The following ADCY6 variants were observed in gnomAD, a reference collection of about 807,000 sequenced individuals.
ADCY6 encodes the protein adenylate cyclase type 6.
Under a neutral mutation model 111.6 loss-of-function variants are expected in ADCY6, and 59 were observed. The ratio of observed to expected loss-of-function variants is 0.53; its 90% CI spans 0.43 to 0.66. ADCY6 has a LOEUF of 0.66. Among genes scored for constraint, ADCY6 ranks in the 30% least tolerant of loss-of-function variants. The probability of loss-of-function intolerance (pLI) is 0.00; values close to 1 mark genes in which losing one functional copy is unlikely to be tolerated. For missense variants in ADCY6, 1,242 were observed against 1,595.6 expected, an observed-to-expected ratio of 0.78 and a Z score of 3.78; for synonymous variants, 576 against 642.9, an observed-to-expected ratio of 0.90 and a Z score of 1.57.
intron 1 of ADCY6, 75 bp from the exon 2 acceptor site, chr12:48,783,513 G>A: frequency 6.3e-7 from 1 of 1,598,154 alleles, no homozygotes; most frequent in South Asian, 1.1e-5. Flanking sequence ...CACAGCCACT[G>A]CCACCACTAG....
At position 48,771,799 on chromosome 12, in the gene ADCY6, A is replaced by G; in HGVS notation, c.2962T>C (p.Phe988Leu). Residue 988 changes from phenylalanine (F) to leucine (L), a missense_variant, in exon 19 of 22, where the codon TTC becomes CTC. This residue lies in a region of ADCY6 where 245 missense variants were observed against 371.3 expected (regional missense o/e 0.66). Coordinates refer to ENST00000357869, the MANE Select transcript of ADCY6 (RefSeq NM_015270.5). The surrounding 1 kb of genome is among the most constrained non-coding windows in gnomAD (Gnocchi z 4.3). The part of the protein sequence containing the change: ...VAVMFASIAN[F>L]SEFYVELEAN... ...TCCAGCTCCACATAGAACTCAGAGA[A>G]GTTGGCAATGGAGGCAAACATAACA... is the stretch of plus-strand genomic sequence containing the variant. The G allele has an allele frequency of 6.2e-7, 1 of 1,614,216 alleles. No homozygotes were observed. The highest frequency in any genetic ancestry group is 8.5e-7 in the Non-Finnish European group (1 of 1,180,036).
At chr12:48,779,145 G>T (rs1480424895) in intron 2 of ADCY6, among the ~76,000 whole-genome samples, 1 of 152,012 alleles carries the variant, frequency 6.6e-6, no homozygotes, top group African/African-American at 2.4e-5. Context: ...GCTTCCCAAA[G>T]TGCTTACGGG....
At chr12:48,775,909 T>G in intron 9 of ADCY6, 54 bp downstream of exon 9, 1 of 1,561,364 alleles carries the variant, frequency 6.4e-7, no homozygotes, top group Non-Finnish European at 8.7e-7. Flanking sequence ...AGGGACAGGG[T>G]ATTGAGGGAG....
Position 48,781,992 on chromosome 12 carries a change from AC to A in ADCY6, c.864+578del, listed in dbSNP as rs1300095179. ...ACCACATCCAGCCCAGAGAGAACTG[AC>A]CCCAGCTCTTCACCTTCCCTGTCCT... On this transcript the variant is annotated intron_variant, in intron 2 of 21. Coordinates refer to ENST00000357869, the MANE Select transcript of ADCY6 (RefSeq NM_015270.5). 2.0e-5 allele frequency among the ~76,000 whole-genome samples: 3 copies of A among 152,102 alleles called. No individual in the cohort carries two copies. The East Asian group carries it at 5.8e-4, about 29-fold the overall frequency.
At position 48,770,900 on chromosome 12, in the gene ADCY6, G is replaced by T; in HGVS notation, c.3122C>A (p.Ser1041Ter). The T allele has an allele frequency of 3.7e-6, 6 of 1,614,250 alleles. No individual in the cohort carries two copies. The highest frequency in any genetic ancestry group is 5.1e-6 in the Non-Finnish European group (6 of 1,180,046). The part of the protein sequence containing the change: ...KTIGSTYMAA[S>*]GLNASTYDQV... ...ATCGTAGGTGCTGGCGTTCAGCCCTGAGGCAGCCATGTAGGTGCTACCAAT... is the reference window on the plus strand; with the variant it reads ...ATCGTAGGTGCTGGCGTTCAGCCCTTAGGCAGCCATGTAGGTGCTACCAAT... Residue 1041 changes from serine to a stop codon, truncating the protein, a stop_gained, in exon 20 of 22, where the codon TCA becomes TAA. Transcript: ENST00000357869. LOFTEE classifies it high-confidence loss of function.
Position 48,777,999 on chromosome 12 carries a change from G to T in ADCY6, c.1014+109C>A. 6.9e-6 allele frequency: 10 copies of T among 1,445,606 alleles called. No homozygotes were observed. Among genetic ancestry groups the T allele is most frequent in the Non-Finnish European group, 9.3e-6 (10 of 1,073,684 alleles). The allele number at this position is 1,445,606 out of a possible 1,614,324, so 89.5% of individuals were successfully genotyped here. A position where few individuals can be genotyped will look rare whatever the true frequency, so the allele number is the denominator to read the frequency against. On this transcript the variant is annotated intron_variant, in intron 3 of 21. Coordinates refer to ENST00000357869, the MANE Select transcript of ADCY6 (RefSeq NM_015270.5). The surrounding 1 kb of genome is among the most constrained non-coding windows in gnomAD (Gnocchi z 4.9). ...AGGGCCTCTGTGACGCACAACCCAG[G>T]GGAACCATCACACTGTGCTGCACGG...
Position 48,782,815 on chromosome 12 carries a change from G to C in ADCY6, c.620C>G (p.Ser207Cys). 1 of 1,614,066 alleles carries C rather than the reference G, an allele frequency of 6.2e-7. No individual in the cohort carries two copies. The highest frequency in any genetic ancestry group is 8.5e-7 in the Non-Finnish European group (1 of 1,179,954). Residue 207 changes from serine (S) to cysteine (C), a missense_variant, in exon 2 of 22, where the codon TCC becomes TGC. Around this residue, in one of 4 missense-constraint regions of ADCY6, gnomAD observed 362 missense variants for 377.2 expected, o/e 0.96. Coordinates refer to ENST00000357869, the MANE Select transcript of ADCY6 (RefSeq NM_015270.5). This position sits in a 1 kb window ranked among gnomAD's most constrained non-coding sequence, Gnocchi z 4.3. The stretch of plus-strand genomic sequence containing the variant: ...CACCACGTAGCTCACCACCCACATG[G>C]AGTCCTGGCGGAAGCTATGCCGGTT... ...VCNRHSFRQD[S>C]MWVVSYVVLG...
chr12:48,774,205 C>G, intron 14 of ADCY6, 107 bp from the exon 15 acceptor site: 1 of 1,164,878 alleles, frequency 8.6e-7, no homozygotes, highest in Non-Finnish European at 1.2e-6. Context: ...TACCTTATAC[C>G]CCATGGGCCT....
In ADCY6 at chr12:48,774,426, C is replaced by A; in HGVS notation, c.2259G>T (p.Val753=). 1 of 1,613,852 alleles carries A rather than the reference C, an allele frequency of 6.2e-7. No homozygotes were observed. The highest frequency in any genetic ancestry group is 1.1e-5 in the South Asian group (1 of 91,076). ...TAVGIFSVLL[V]FTSAIANMFT... is the part of the protein sequence containing the mutation. The stretch of plus-strand genomic sequence containing the variant: ...CCATGTTGGCAATGGCAGAAGTAAA[C>A]ACAAGCAGGACGGAAAAGATGCCAA... The change falls in exon 14 of 22, where the codon GTG becomes GTT. Residue 753 remains valine, a synonymous_variant. Transcript: ENST00000357869.
Position 48,776,612 on chromosome 12 carries a change from C to T in ADCY6, c.1377-26G>A, listed in dbSNP as rs76654575. 1.1e-3 allele frequency: 1,710 copies of T among 1,587,928 alleles called. 21 individuals are homozygous for T. In the African/African-American group the frequency reaches 0.021, roughly 20 times the overall value. The stretch of plus-strand genomic sequence containing the variant: ...CTGGGAGGATGCAGCCCCAGATCAG[C>T]TCCTGGCAGTCTTCCCCTCCCCCAG... On this transcript the variant is annotated intron_variant, in intron 6 of 21. Coordinates refer to ENST00000357869, the MANE Select transcript of ADCY6 (RefSeq NM_015270.5). This position sits in a 1 kb window ranked among gnomAD's most constrained non-coding sequence, Gnocchi z 6.1.
rs1378502176 is a variant in ADCY6 at position 48,775,044 on chromosome 12, T to C, written c.1991A>G (p.Lys664Arg). ...GTAGGCTCCGAAGCGGGGATCCACC[T>C]TCCGGGAGTACTGAGGGAGAGGAGG... is the stretch of plus-strand genomic sequence containing the variant. ...REDLEKKYSR[K>R]VDPRFGAYVA... The change falls in exon 12 of 22, where the codon AAG (lysine) becomes AGG (arginine). Residue 664 changes from lysine to arginine, a missense_variant. By Grantham distance (26) the Lys-to-Arg change is conservative. Transcript: ENST00000357869. 3.2e-6 allele frequency: 5 copies of C among 1,554,930 alleles called. No homozygotes were observed. In the East Asian group the frequency reaches 1.2e-4, roughly 38 times the overall value.
chr12:48,788,372 G>A (rs990878767), intron 1 of ADCY6, among the ~76,000 whole-genome samples: 4 of 152,182 alleles, frequency 2.6e-5, no homozygotes, highest in Non-Finnish European at 5.9e-5. Context: ...GAGCCCCAGA[G>A]TCTGCTTTGA....
chr12:48,776,405 CCCACCTGGA>C lies in ADCY6; in HGVS notation c.1535+14_1535+22del. ...GCTCTCCCACCTTGCCCCCATCCCCCCCACCTGGACCCCCCTACTCACCCAGCCCGGCCT... is the reference window on the plus strand; with the variant it reads ...GCTCTCCCACCTTGCCCCCATCCCCCCCCCCCTACTCACCCAGCCCGGCCT... On this transcript the variant is annotated intron_variant, in intron 7 of 21. Coordinates refer to ENST00000357869, the MANE Select transcript of ADCY6 (RefSeq NM_015270.5). This position sits in a 1 kb window ranked among gnomAD's most constrained non-coding sequence, Gnocchi z 6.1. The C allele has an allele frequency of 2.3e-5, 37 of 1,612,782 alleles. No individual in the cohort carries two copies. Among genetic ancestry groups the C allele is most frequent in the Non-Finnish European group, 3.1e-5 (37 of 1,179,064 alleles).
In ADCY6 at chr12:48,775,959, T is replaced by C. The variant is rs779768192; in HGVS notation, c.1806+4A>G. The C allele has an allele frequency of 1.3e-6, 2 of 1,598,424 alleles. No homozygotes were observed. The highest frequency in any genetic ancestry group is 1.7e-4 in the Middle Eastern group (1 of 5,758). ...CCCTAGGTCTGGTGCTGAGGGCCCC[T>C]CACCATCTGGCGGAAGGCCTTGGAG... On this transcript the variant is annotated splice_donor_region_variant and intron_variant, in intron 9 of 21. Coordinates refer to ENST00000357869, the MANE Select transcript of ADCY6 (RefSeq NM_015270.5).
rs1278386858 is a variant in ADCY6, at chr12:48,776,579, G to A, written c.1384C>T (p.Arg462Cys). The A allele has an allele frequency of 4.4e-6, 7 of 1,608,410 alleles. No homozygotes were observed. Among genetic ancestry groups the A allele is most frequent in the Non-Finnish European group, 5.1e-6 (6 of 1,178,642 alleles). The change falls in exon 7 of 22, where the codon CGT (arginine) becomes TGT (cysteine). Residue 462 changes from arginine to cysteine, a missense_variant. By Grantham distance (180) the Arg-to-Cys change is radical. Transcript: ENST00000357869. This position sits in a 1 kb window ranked among gnomAD's most constrained non-coding sequence, Gnocchi z 6.1. ...TTCACATTCACACCTGTCACCTCAC[G>A]TACCAGCCTGGGAGGATGCAGCCCC... ...VDMIEAISLV[R>C]EVTGVNVNMR...
intron 1 of ADCY6, among the ~76,000 whole-genome samples, chr12:48,786,400 T>C (rs752285515): frequency 6.6e-6 from 1 of 152,202 alleles, no homozygotes; most frequent in Non-Finnish European, 1.5e-5. Flanking sequence ...AGTCTCACTC[T>C]GCCCCACCTA....
chr12:48,769,875 C>T (rs1941484415), intron 20 of ADCY6, among the ~76,000 whole-genome samples: 1 of 151,588 alleles, frequency 6.6e-6, no homozygotes, highest in South Asian at 2.1e-4. Flanking sequence ...CATTCTCCTG[C>T]CTCAGCCTCC....
intron 13 of ADCY6, 68 bp from the exon 14 acceptor site, chr12:48,774,586 G>A: frequency 6.3e-7 from 1 of 1,575,924 alleles, no homozygotes; most frequent in East Asian, 2.2e-5. Context: ...CCAGGGATGG[G>A]GCCCAGTGGA....
Position 48,768,470 on chromosome 12 carries a change from C to G in ADCY6, c.*121G>C, listed in dbSNP as rs3729973. The G allele has an allele frequency of 1.3e-5, 19 of 1,425,632 alleles. No individual in the cohort carries two copies. In the African/African-American group the frequency reaches 2.5e-4, roughly 19 times the overall value. The allele number at this position is 1,425,632 out of a possible 1,614,324, so 88.3% of individuals were successfully genotyped here. A position where few individuals can be genotyped will look rare whatever the true frequency, so the allele number is the denominator to read the frequency against. On this transcript the variant is annotated 3_prime_UTR_variant, in exon 22 of 22. Coordinates refer to ENST00000357869, the MANE Select transcript of ADCY6 (RefSeq NM_015270.5). ...TCCAAGCACAGCCTGCTGGGATGTTCCCTTTTGTGGTTAGCAGGGTCTGGA... is the reference window on the plus strand; with the variant it reads ...TCCAAGCACAGCCTGCTGGGATGTTGCCTTTTGTGGTTAGCAGGGTCTGGA...
Sources: gnomAD v4.1 joint callset for allele counts (sites outside exome capture counted in the v4.1 genomes callset) on GRCh38, gnomAD v4.1.1 for gene constraint, gnomAD v4.1.1 regional missense constraint, Gnocchi (gnomAD v3.1) non-coding constraint, MANE v1.5 for transcripts, NCBI Gene and HGNC (gene_info 2026-07-23, HGNC 2026-07-21) for gene names.